DLC1: variants seen among roughly 807,000 people sequenced by gnomAD.
DLC1 encodes the protein rho GTPase-activating protein 7.
DLC1 carries 54 observed loss-of-function variants against 140.3 expected under a neutral mutation model. That is an observed-to-expected ratio of 0.38 (90% CI 0.31 to 0.48). DLC1 has a LOEUF of 0.48. Among genes scored for constraint, DLC1 ranks in the 20% least tolerant of loss-of-function variants. DLC1 has a pLI of 0.96. For missense variants in DLC1, 2,536 were observed against 1,907.0 expected, an observed-to-expected ratio of 1.33 and a Z score of -6.14; for synonymous variants, 986 against 728.1, an observed-to-expected ratio of 1.35 and a Z score of -5.70.
chr8:13,142,052 G>C (rs945794431), intron 5 of DLC1, among the ~76,000 whole-genome samples: 9 of 152,166 alleles, frequency 5.9e-5, no homozygotes, highest in African/African-American at 1.7e-4. Context: ...CACGAGATCT[G>C]ATGGTTTTAT....
At chr8:13,122,565 CTT>C (rs375154112) in intron 5 of DLC1, among the ~76,000 whole-genome samples, 4 of 152,126 alleles carry the variant, frequency 2.6e-5, no homozygotes, top group African/African-American at 7.2e-5. Flanking sequence ...ATCTCTTACT[CTT>C]TGCAATTAAA....
At chr8:13,153,457 G>A (rs1823996051) in intron 5 of DLC1, among the ~76,000 whole-genome samples, 1 of 152,196 alleles carries the variant, frequency 6.6e-6, no homozygotes, top group Admixed American at 6.5e-5. Context: ...ATTTAATGCA[G>A]AAACTTAAAA....
In DLC1 at chr8:13,139,827, C is replaced by T. The variant is rs1822841863; in HGVS notation, c.1349-24170G>A. Among the ~76,000 whole-genome samples the T allele has an allele frequency of 2.6e-5, 4 of 152,220 alleles. No individual in the cohort carries two copies. The South Asian group carries it at 8.3e-4, about 32-fold the overall frequency. On this transcript the variant is annotated intron_variant, in intron 5 of 17. Coordinates refer to ENST00000276297, the MANE Select transcript of DLC1 (RefSeq NM_182643.3). Reference sequence around the variant, plus strand: ...CAAGTGGAAAGTAAAACATTGTGATCACTTTTTATTTCATAAAAGCAACTA... The same window carrying T: ...CAAGTGGAAAGTAAAACATTGTGATTACTTTTTATTTCATAAAAGCAACTA...
chr8:13,108,982 G>A (rs1309578506), intron 7 of DLC1, among the ~76,000 whole-genome samples: 1 of 152,128 alleles, frequency 6.6e-6, no homozygotes, highest in Non-Finnish European at 1.5e-5. Flanking sequence ...CACCCTGTAC[G>A]TTTCTATCAG....
chr8:13,104,359 A>AC lies in DLC1; in HGVS notation c.1503-1507_1503-1506insG, dbSNP rs200502981. Among the ~76,000 whole-genome samples the AC allele has an allele frequency of 6.7e-3, 1,020 of 151,934 alleles. 17 individuals are homozygous for AC. Among genetic ancestry groups the AC allele is most frequent in the East Asian group, 0.046 (238 of 5,178 alleles). The stretch of plus-strand genomic sequence containing the variant: ...GAAAATAAAATACTTACAAAAAAAA[A>AC]AAAAACCCAAAACCTCATGGAGAAA... On this transcript the variant is annotated intron_variant, in intron 7 of 17. Transcript: ENST00000276297.
At chr8:13,358,556 T>A (rs993790904) in intron 4 of DLC1, among the ~76,000 whole-genome samples, 14 of 140,456 alleles carry the variant, frequency 1.0e-4, no homozygotes, top group Non-Finnish European at 4.5e-5. Context: ...GTAAGAAAAG[T>A]TTTTTTTTCT....
chr8:13,273,772 AAG>A (rs145053861), intron 5 of DLC1, among the ~76,000 whole-genome samples: 1,535 of 132,790 alleles, frequency 0.012, 38 homozygotes, highest in African/African-American at 0.039. Flanking sequence ...GGGAGGGAGC[AAG>A]AGAGAGAGAG....
chr8:13,345,961 T>G (rs1181144892), intron 4 of DLC1, among the ~76,000 whole-genome samples: 4 of 152,224 alleles, frequency 2.6e-5, no homozygotes, highest in East Asian at 3.8e-4. Context: ...TAAGGCATTG[T>G]TCATAGAAAA....
At chr8:13,291,987 TC>T (rs1831774798) in intron 5 of DLC1, among the ~76,000 whole-genome samples, 1 of 26,966 alleles carries the variant, frequency 3.7e-5, no homozygotes, top group African/African-American at 7.0e-5. Context: ...TGCAATGTTT[TC>T]TTTTTTTTTT....
intron 17 of DLC1, 95 bp from the exon 18 acceptor site, chr8:13,086,026 A>T: frequency 6.5e-7 from 1 of 1,528,890 alleles, no homozygotes; most frequent in Non-Finnish European, 8.8e-7. Context: ...CAAATGCATA[A>T]AATCTATCAT....
intron 2 of DLC1, among the ~76,000 whole-genome samples, chr8:13,428,202 A>G (rs1838685931): frequency 6.6e-6 from 1 of 152,190 alleles, no homozygotes; most frequent in Non-Finnish European, 1.5e-5. Context: ...AGGTACCTTC[A>G]CTGGGTCCAC....
At chr8:13,091,976 G>T (rs1200091633) in intron 13 of DLC1, among the ~76,000 whole-genome samples, 1 of 152,252 alleles carries the variant, frequency 6.6e-6, no homozygotes, top group Non-Finnish European at 1.5e-5. Context: ...GCCGGGCGCA[G>T]TGGCTCACGC....
At chr8:13,177,224 C>A (rs1411777654) in intron 5 of DLC1, among the ~76,000 whole-genome samples, 3 of 152,056 alleles carry the variant, frequency 2.0e-5, no homozygotes, top group African/African-American at 7.2e-5. Flanking sequence ...GTTTTAGGAA[C>A]AATTTTTGGG....
At chr8:13,562,786 C>G (rs1804286943) in intron 1 of DLC1, among the ~76,000 whole-genome samples, 1 of 151,792 alleles carries the variant, frequency 6.6e-6, no homozygotes, top group Non-Finnish European at 1.5e-5. Flanking sequence ...AAATGCCCGT[C>G]AAAATGTGTG....
chr8:13,415,372 A>G (rs1838006151), intron 2 of DLC1, among the ~76,000 whole-genome samples: 1 of 151,090 alleles, frequency 6.6e-6, no homozygotes, highest in South Asian at 2.1e-4. Context: ...TCATCTTCTC[A>G]GTGATGTTTA....
At chr8:13,490,457 T>C (rs964256800) in intron 2 of DLC1, among the ~76,000 whole-genome samples, 3 of 152,200 alleles carry the variant, frequency 2.0e-5, no homozygotes, top group African/African-American at 4.8e-5. Context: ...GATAAGTATA[T>C]TATTTGTAAG....
upstream of DLC1, among the ~76,000 whole-genome samples, chr8:13,515,112 A>G (rs1480789039): frequency 6.6e-6 from 1 of 152,196 alleles, no homozygotes; most frequent in East Asian, 1.9e-4. Flanking sequence ...AGAAAGAAAG[A>G]AAGAAAGAAA....
intron 1 of DLC1, among the ~76,000 whole-genome samples, chr8:13,593,480 A>T (rs757236989): frequency 1.6e-4 from 24 of 152,112 alleles, no homozygotes; most frequent in Non-Finnish European, 3.2e-4. Context: ...TTAAGATTCA[A>T]TTCACGCTTC....
chr8:13,292,498 TA>T (rs1286249636), intron 5 of DLC1, among the ~76,000 whole-genome samples: 1 of 152,222 alleles, frequency 6.6e-6, no homozygotes, highest in African/African-American at 2.4e-5. Context: ...TCCACTTTCC[TA>T]AAGTCATAAA....
Sources: gnomAD v4.1 joint callset for allele counts (sites outside exome capture counted in the v4.1 genomes callset) on GRCh38, gnomAD v4.1.1 for gene constraint, MANE v1.5 for transcripts, NCBI Gene and HGNC (gene_info 2026-07-23, HGNC 2026-07-21) for gene names.